NPTN: variants seen among roughly 807,000 people sequenced by gnomAD.
The protein encoded by NPTN is SDR-1.
A neutral mutation model predicts 42.7 loss-of-function variants in NPTN; 5 were observed. The ratio of observed to expected loss-of-function variants is 0.12; its 90% CI spans 0.06 to 0.25. The LOEUF (loss-of-function observed/expected upper bound fraction) is 0.25, where lower values mean the gene tolerates loss of function less well. Among genes scored for constraint, NPTN ranks in the 10% least tolerant of loss-of-function variants. The pLI is 1.00. For synonymous variants in NPTN, 180 were observed against 201.9 expected, an observed-to-expected ratio of 0.89 and a Z score of 0.92; for missense variants, 307 against 525.4, an observed-to-expected ratio of 0.58 and a Z score of 4.06.
rs114088570 is a variant in NPTN, at chr15:73,591,582, T to C, written c.611+384A>G. 5.6e-3 allele frequency: 888 copies of C among 157,172 alleles called. 6 individuals are homozygous for C. Among genetic ancestry groups the C allele is most frequent in the African/African-American group, 0.02 (846 of 41,716 alleles). 9.7% of individuals were successfully genotyped at this position (157,172 alleles called of 1,614,324 possible). A position where few individuals can be genotyped will look rare whatever the true frequency, so the allele number is the denominator to read the frequency against. ...AAGATGGCTTAGGGAGATGTCTTGC[T>C]CTACAGTCACAAAGCAGACTTCAAT... On this transcript the variant is annotated intron_variant, in intron 3 of 8. Coordinates refer to ENST00000345330, the MANE Select transcript of NPTN (RefSeq NM_012428.4).
intron 1 of NPTN, among the ~76,000 whole-genome samples, chr15:73,603,232 T>C (rs1897147477): frequency 6.6e-6 from 1 of 152,208 alleles, no homozygotes; most frequent in Admixed American, 6.5e-5. Context: ...ACCTGACACA[T>C]AGTAAGCACT....
In NPTN at chr15:73,597,474, A is replaced by T; in HGVS notation, c.92-105T>A. Reference sequence around the variant, plus strand: ...TAAAGAAAAGAAAAGAAAAAAGCAAATGAGTTGCAAAGAACAAAAAAGGAT... The same window carrying T: ...TAAAGAAAAGAAAAGAAAAAAGCAATTGAGTTGCAAAGAACAAAAAAGGAT... On this transcript the variant is annotated intron_variant, in intron 1 of 8. Transcript: ENST00000345330. This position sits in a 1 kb window ranked among gnomAD's most constrained non-coding sequence, Gnocchi z 6.3. 1 of 868,564 alleles carries T rather than the reference A, an allele frequency of 1.2e-6. No individual in the cohort carries two copies. Among genetic ancestry groups the T allele is most frequent in the Non-Finnish European group, 1.8e-6 (1 of 571,160 alleles). 53.8% of individuals were successfully genotyped at this position (868,564 alleles called of 1,614,324 possible).
intron 5 of NPTN, among the ~76,000 whole-genome samples, chr15:73,571,897 G>A (rs1413771399): frequency 6.6e-6 from 1 of 152,202 alleles, no homozygotes; most frequent in Non-Finnish European, 1.5e-5. Flanking sequence ...GATGCCTCAA[G>A]CTTCATCTTT....
intron 1 of NPTN, among the ~76,000 whole-genome samples, chr15:73,617,147 T>C (rs1373021373): frequency 1.3e-5 from 2 of 152,192 alleles, no homozygotes; most frequent in Non-Finnish European, 2.9e-5. Context: ...AATTGTAACA[T>C]ACTACTAAAT....
intron 4 of NPTN, among the ~76,000 whole-genome samples, chr15:73,580,528 T>C (rs1895976152): frequency 2.8e-5 from 4 of 141,430 alleles, no homozygotes; most frequent in South Asian, 4.2e-4. Context: ...TATAGTTATA[T>C]ATGTATATAT....
At chr15:73,628,764 T>C (rs1003583574) in intron 1 of NPTN, among the ~76,000 whole-genome samples, 14 of 152,120 alleles carry the variant, frequency 9.2e-5, no homozygotes, top group African/African-American at 3.4e-4. Flanking sequence ...TTTAAATAAT[T>C]ATTTTTATTT....
chr15:73,592,411 C>A (rs1595928277), intron 2 of NPTN, among the ~76,000 whole-genome samples: 1 of 152,146 alleles, frequency 6.6e-6, no homozygotes, highest in East Asian at 1.9e-4. Flanking sequence ...TGGTAATAAT[C>A]CACTTACGTT....
At position 73,633,138 on chromosome 15, in the gene NPTN, G is replaced by T. The variant is rs750521785; in HGVS notation, c.78C>A (p.Gly26=). ...CGCCCCGCTTACCGTTCTGAGCGGC[G>T]CCTGGCCCTGGGAGGAGGGAGCCAG... The part of the protein sequence containing the change: ...LVSGSLLPGP[G]AAQNAGFVKS... Residue 26 remains glycine, a synonymous_variant, in exon 1 of 9, where the codon GGC becomes GGA. Coordinates refer to ENST00000345330, the MANE Select transcript of NPTN (RefSeq NM_012428.4). The T allele has an allele frequency of 9.4e-6, 14 of 1,493,644 alleles. No individual in the cohort carries two copies. Among genetic ancestry groups the T allele is most frequent in the Non-Finnish European group, 1.2e-5 (14 of 1,129,272 alleles). The allele number at this position is 1,493,644 out of a possible 1,614,324, so 92.5% of individuals were successfully genotyped here.
chr15:73,603,974 C>A (rs893344316), intron 1 of NPTN, among the ~76,000 whole-genome samples: 8 of 152,148 alleles, frequency 5.3e-5, no homozygotes, highest in Non-Finnish European at 8.8e-5. Flanking sequence ...TGTAAGAGTT[C>A]TGTAAACTAC....
intron 1 of NPTN, among the ~76,000 whole-genome samples, chr15:73,618,360 G>T (rs1274095772): frequency 6.6e-6 from 1 of 152,028 alleles, no homozygotes; most frequent in Non-Finnish European, 1.5e-5. Context: ...CTCACAATAT[G>T]GAAACACTCC....
At chr15:73,619,423 T>C (rs549037048) in intron 1 of NPTN, among the ~76,000 whole-genome samples, 1 of 152,322 alleles carries the variant, frequency 6.6e-6, no homozygotes, top group South Asian at 2.1e-4. Flanking sequence ...CTCATGCTGC[T>C]AAATTTCTAA....
chr15:73,569,212 A>G lies in NPTN; in HGVS notation c.1114+938T>C. 1.0e-6 allele frequency: 1 copy of G among 985,544 alleles called. No homozygotes were observed. Among genetic ancestry groups the G allele is most frequent in the Middle Eastern group, 5.2e-4 (1 of 1,914 alleles). 61.0% of individuals were successfully genotyped at this position (985,544 alleles called of 1,614,324 possible). A position where few individuals can be genotyped will look rare whatever the true frequency, so the allele number is the denominator to read the frequency against. ...TTAATTTCTGTACGCCGGTCATGTT[A>G]TAGGGTGGGGATGGGGAGCCAGCTG... is the stretch of plus-strand genomic sequence containing the variant. On this transcript the variant is annotated intron_variant, in intron 6 of 8. Coordinates refer to ENST00000345330, the MANE Select transcript of NPTN (RefSeq NM_012428.4). This position sits in a 1 kb window ranked among gnomAD's most constrained non-coding sequence, Gnocchi z 4.1.
chr15:73,565,918 T>A (rs1894970282), intron 6 of NPTN: 1 of 387,040 alleles, frequency 2.6e-6, no homozygotes, highest in Non-Finnish European at 5.3e-6. Context: ...TAATACAATA[T>A]CACCTCCAAA....
chr15:73,614,198 T>C (rs1595958794), intron 1 of NPTN, among the ~76,000 whole-genome samples: 1 of 150,798 alleles, frequency 6.6e-6, no homozygotes, highest in Admixed American at 6.6e-5. Flanking sequence ...TCCACACCTG[T>C]AGTACTAGCT....
At chr15:73,595,552 T>C (rs1351899466) in intron 2 of NPTN, among the ~76,000 whole-genome samples, 2 of 152,194 alleles carry the variant, frequency 1.3e-5, no homozygotes, top group Non-Finnish European at 2.9e-5. Context: ...CATCTAAGTA[T>C]ATAGACTCAA....
In NPTN at chr15:73,633,241, G is replaced by T; in HGVS notation, c.-26C>A. On this transcript the variant is annotated 5_prime_UTR_variant, in exon 1 of 9. Coordinates refer to ENST00000345330, the MANE Select transcript of NPTN (RefSeq NM_012428.4). ...CCTCCCTAGCAGAAGACCCAACAGC[G>T]AATGGGCCGGGGCCAGAGCCGGGGC... The T allele has an allele frequency of 1.4e-6, 2 of 1,400,036 alleles. No homozygotes were observed. The highest frequency in any genetic ancestry group is 1.9e-6 in the Non-Finnish European group (2 of 1,046,728). 86.7% of individuals were successfully genotyped at this position (1,400,036 alleles called of 1,614,324 possible).
intron 1 of NPTN, among the ~76,000 whole-genome samples, chr15:73,630,588 C>A (rs1477247886): frequency 6.6e-6 from 1 of 152,190 alleles, no homozygotes; most frequent in Non-Finnish European, 1.5e-5. Flanking sequence ...GTCATACAGG[C>A]CAAATTCTTC....
intron 6 of NPTN, among the ~76,000 whole-genome samples, chr15:73,564,846 G>A (rs1004372981): frequency 1.3e-5 from 2 of 152,130 alleles, no homozygotes; most frequent in Non-Finnish European, 2.9e-5. Context: ...CTGTGCACTC[G>A]AAAATACAAA....
chr15:73,581,152 G>A (rs901138455), intron 4 of NPTN, among the ~76,000 whole-genome samples: 6 of 152,136 alleles, frequency 3.9e-5, no homozygotes, highest in African/African-American at 1.4e-4. Flanking sequence ...CAGGACTTTT[G>A]TTTGTAGCTC....
Sources: allele counts gnomAD v4.1 joint callset (sites outside exome capture counted in the v4.1 genomes callset), GRCh38; gene constraint gnomAD v4.1.1; non-coding constraint Gnocchi (gnomAD v3.1); transcripts MANE v1.5; gene names NCBI Gene and HGNC (gene_info 2026-07-23, HGNC 2026-07-21).